The following SAMD8 variants were observed in gnomAD, a reference collection of about 807,000 sequenced individuals.
SAMD8 encodes the protein sterile alpha motif domain containing 8, also known as sphingomyelin synthase-related protein 1.
A neutral mutation model predicts 42.0 loss-of-function variants in SAMD8; 20 were observed. That is an observed-to-expected ratio of 0.48 (90% CI 0.34 to 0.69). SAMD8 has a LOEUF of 0.69. Among genes scored for constraint, SAMD8 ranks in the 30% least tolerant of loss-of-function variants. The probability of loss-of-function intolerance (pLI) is 0.01; values close to 1 mark genes in which losing one functional copy is unlikely to be tolerated. For synonymous variants in SAMD8, 162 were observed against 173.0 expected (o/e 0.94, Z 0.50); for missense variants, 328 against 511.6 (o/e 0.64, Z 3.46).
At chr10:75,147,113 T>C (rs112610819) in intron 1 of SAMD8, among the ~76,000 whole-genome samples, 94 of 152,182 alleles carry the variant, frequency 6.2e-4, no homozygotes, top group African/African-American at 2.1e-3. Flanking sequence ...CTGATTGAGG[T>C]TGTAAAGAAC....
rs1269897312 is a variant in SAMD8 at position 75,163,895 on chromosome 10, G to A, written c.579-750G>A. Among the ~76,000 whole-genome samples the A allele has an allele frequency of 2.6e-5, 4 of 152,062 alleles. No homozygotes were observed. The South Asian group carries it at 8.3e-4, about 32-fold the overall frequency. On this transcript the variant is annotated intron_variant, in intron 2 of 5. Transcript: ENST00000542569. The stretch of plus-strand genomic sequence containing the variant: ...AAAAAACCAGGGTTACAAAACAAGG[G>A]GGGATAGAGAGAAAGAGGTAAAACA...
At chr10:75,157,004 G>A (rs964905910) in intron 2 of SAMD8, among the ~76,000 whole-genome samples, 3 of 152,040 alleles carry the variant, frequency 2.0e-5, no homozygotes, top group Admixed American at 1.3e-4. Flanking sequence ...AAGGGGAGAA[G>A]TGTCATAATG....
upstream of SAMD8, chr10:75,108,294 A>G (rs774946447): frequency 1.8e-4 from 273 of 1,504,978 alleles, 1 homozygote; most frequent in Non-Finnish European, 3.8e-5. Context: ...CTGCAGAGGG[A>G]CCGAGCCATT....
chr10:75,152,501 G>A (rs1295167990), intron 2 of SAMD8, among the ~76,000 whole-genome samples: 7 of 130,356 alleles, frequency 5.4e-5, no homozygotes, highest in South Asian at 2.4e-4. Flanking sequence ...CAGCCTAGGC[G>A]ACAGAGCGAG....
At chr10:75,110,529 C>T (rs182435022), upstream of SAMD8, among the ~76,000 whole-genome samples, 29 of 152,330 alleles carry the variant, frequency 1.9e-4, 1 homozygote, top group East Asian at 4.6e-3. Context: ...GCAGTCTACA[C>T]TCATGTCTAT....
At chr10:75,119,615 C>T (rs1386594907) in intron 1 of SAMD8, among the ~76,000 whole-genome samples, 4 of 151,800 alleles carry the variant, frequency 2.6e-5, no homozygotes, top group African/African-American at 4.9e-5. Context: ...ATTTTCTGCA[C>T]ACACATGCAC....
At chr10:75,162,217 G>T (rs1840573281) in intron 2 of SAMD8, among the ~76,000 whole-genome samples, 1 of 152,152 alleles carries the variant, frequency 6.6e-6, no homozygotes, top group East Asian at 1.9e-4. Context: ...AAATTAGCTG[G>T]GCGTGGTGGT....
chr10:75,120,130 T>A (rs1485939692), intron 1 of SAMD8, among the ~76,000 whole-genome samples: 2 of 152,214 alleles, frequency 1.3e-5, no homozygotes, highest in Non-Finnish European at 2.9e-5. Context: ...TGTGTTGGTA[T>A]AATTAAGCCC....
rs1233935611 is a variant in SAMD8 at position 75,106,152 on chromosome 10, G to A, written c.-16+6424G>A. The stretch of plus-strand genomic sequence containing the variant: ...AGACAAAGTCTCACTATGTTGCCCA[G>A]GCTGGTCTTGAACTCCTGAACTTAA... On this transcript the variant is annotated intron_variant, in intron 1 of 3. Coordinates refer to the SAMD8 transcript ENST00000447533. 2.7e-5 allele frequency among the ~76,000 whole-genome samples: 4 copies of A among 145,958 alleles called. No homozygotes were observed. The East Asian group carries it at 6.0e-4, about 22-fold the overall frequency.
chr10:75,159,711 C>T (rs2132186800), intron 2 of SAMD8, among the ~76,000 whole-genome samples: 1 of 152,304 alleles, frequency 6.6e-6, no homozygotes, highest in Middle Eastern at 3.4e-3. Flanking sequence ...TAGATTGGAC[C>T]TACACTGTCC....
intron 1 of SAMD8, among the ~76,000 whole-genome samples, chr10:75,138,845 C>G (rs1839952394): frequency 6.6e-6 from 1 of 152,072 alleles, no homozygotes; most frequent in African/African-American, 2.4e-5. Flanking sequence ...TATCTGTTAT[C>G]TGTGACTTAA....
chr10:75,163,484 G>A (rs1373663824), intron 2 of SAMD8, among the ~76,000 whole-genome samples: 11 of 151,746 alleles, frequency 7.2e-5, no homozygotes, highest in Admixed American at 7.2e-4. Flanking sequence ...GCCTAGGTTG[G>A]AGGCAGTGAT....
At chr10:75,120,651 T>C (rs1848983691) in intron 1 of SAMD8, among the ~76,000 whole-genome samples, 1 of 152,204 alleles carries the variant, frequency 6.6e-6, no homozygotes, top group Non-Finnish European at 1.5e-5. Context: ...GTTAAGTCGT[T>C]ATATGAGCAG....
intron 1 of SAMD8, among the ~76,000 whole-genome samples, chr10:75,128,546 T>G (rs551803901): frequency 9.8e-5 from 15 of 152,320 alleles, no homozygotes; most frequent in African/African-American, 3.6e-4. Flanking sequence ...TTCTGAAATC[T>G]ACATTGGTGT....
chr10:75,134,496 G>A (rs1270067990), intron 1 of SAMD8, among the ~76,000 whole-genome samples: 1 of 151,938 alleles, frequency 6.6e-6, no homozygotes, highest in African/African-American at 2.4e-5. Context: ...TTAGCTGAGC[G>A]TGGTGGTGGG....
chr10:75,138,859 TAA>T (rs1839952494), intron 1 of SAMD8, among the ~76,000 whole-genome samples: 1 of 152,166 alleles, frequency 6.6e-6, no homozygotes, highest in African/African-American at 2.4e-5. Context: ...GACTTAAAAC[TAA>T]GTTTGAATAA....
chr10:75,108,042 TAGGC>T, upstream of SAMD8: 1 of 1,613,676 alleles, frequency 6.2e-7, no homozygotes. Flanking sequence ...AGAGGAGAAG[TAGGC>T]ACTGATGTCA....
rs1381932455 is a variant in SAMD8, at chr10:75,181,198, A to G, written c.*4506A>G. ...AGTTTCTAAGCCAGCAAAGGTGTCAATTTTAATGCCAACTTGACAGTTTAA... is the reference window on the plus strand; with the variant it reads ...AGTTTCTAAGCCAGCAAAGGTGTCAGTTTTAATGCCAACTTGACAGTTTAA... On this transcript the variant is annotated 3_prime_UTR_variant, in exon 6 of 6. Transcript: ENST00000542569. 4 of 152,224 alleles carry G rather than the reference A, an allele frequency of 2.6e-5. No individual in the cohort carries two copies. Among genetic ancestry groups the G allele is most frequent in the South Asian group, 2.1e-4 (1 of 4,830 alleles). 9.4% of individuals were successfully genotyped at this position (152,224 alleles called of 1,614,324 possible).
chr10:75,167,106 A>AT (rs1840702340), intron 3 of SAMD8, among the ~76,000 whole-genome samples: 1 of 152,176 alleles, frequency 6.6e-6, no homozygotes, highest in Non-Finnish European at 1.5e-5. Context: ...GCAGTTCATG[A>AT]TTACCCAAGT....
Sources: allele counts gnomAD v4.1 joint callset (sites outside exome capture counted in the v4.1 genomes callset), GRCh38; gene constraint gnomAD v4.1.1; transcripts MANE v1.5; gene names NCBI Gene and HGNC (gene_info 2026-07-23, HGNC 2026-07-21).